The following EVC variants were observed in gnomAD, a reference collection of about 807,000 sequenced individuals.
EVC encodes the protein evC complex member EVC.
EVC carries 116 observed loss-of-function variants against 118.9 expected under a neutral mutation model. The ratio of observed to expected loss-of-function variants is 0.98; its 90% CI spans 0.84 to 1.14. The LOEUF is 1.14. Ranked by LOEUF, EVC falls within the 50% of genes most tolerant of loss-of-function variation. The pLI is 0.00. For synonymous variants in EVC, 619 were observed against 534.7 expected (o/e 1.16, Z -2.18); for missense variants, 1,401 against 1,246.4 (o/e 1.12, Z -1.87).
At chr4:5,762,270 A>T (rs1395468928) in intron 11 of EVC, among the ~76,000 whole-genome samples, 1 of 132,056 alleles carries the variant, frequency 7.6e-6, no homozygotes, top group Non-Finnish European at 1.7e-5. Flanking sequence ...CATGGTGTAT[A>T]TGTGCCACAT....
intron 6 of EVC, 23 bp from the exon 7 acceptor site, chr4:5,745,181 T>A: frequency 6.2e-7 from 1 of 1,606,004 alleles, no homozygotes; most frequent in Non-Finnish European, 8.5e-7. Context: ...TTATTTGCTT[T>A]CTTTTTTCTT....
intron 11 of EVC, among the ~76,000 whole-genome samples, chr4:5,770,469 G>A (rs1733770626): frequency 1.3e-5 from 2 of 152,170 alleles, no homozygotes; most frequent in African/African-American, 2.4e-5. Flanking sequence ...GTGCTGCATG[G>A]CACTGGAAGT....
chr4:5,715,750 T>TTC (rs1723848355), intron 1 of EVC, among the ~76,000 whole-genome samples: 1 of 148,270 alleles, frequency 6.7e-6, no homozygotes, highest in Admixed American at 6.7e-5. Flanking sequence ...CTTTTTTTTT[T>TTC]TTTTTTTTTT....
At chr4:5,827,930 G>C in the EVC span, 5 of 617,094 alleles carry the variant, frequency 8.1e-6, no homozygotes, top group Non-Finnish European at 1.0e-5. Flanking sequence ...CCTTCCCTTT[G>C]ACAGATGTCC....
At chr4:5,824,849 A>G in the EVC span, 1 of 985,368 alleles carries the variant, frequency 1.0e-6, no homozygotes, top group Non-Finnish European at 1.2e-6. Flanking sequence ...GCCTGCCCTC[A>G]TGTGGCCATC....
intron 7 of EVC, among the ~76,000 whole-genome samples, chr4:5,745,836 T>A (rs1729287356): frequency 6.6e-6 from 1 of 152,162 alleles, no homozygotes; most frequent in Non-Finnish European, 1.5e-5. Context: ...CACTGGGGAC[T>A]CAAAAATCAT....
intron 17 of EVC, among the ~76,000 whole-genome samples, 178 bp from the exon 18 acceptor site, chr4:5,808,023 G>C (rs1236130567): frequency 1.3e-5 from 2 of 152,180 alleles, no homozygotes; most frequent in Non-Finnish European, 2.9e-5. Flanking sequence ...CTTTGATGGA[G>C]AGGCAGCCTG....
At chr4:5,826,460 A>AC in the EVC span, 1 of 152,282 alleles carries the variant, frequency 6.6e-6, no homozygotes, top group Non-Finnish European at 1.5e-5. Flanking sequence ...TGGGGAGGAC[A>AC]CCTCCACACC....
In EVC at chr4:5,776,610, G is replaced by A. The variant is rs373905845; in HGVS notation, c.1564-6942G>A. Among the ~76,000 whole-genome samples, 14 of 152,160 alleles carry A rather than the reference G, an allele frequency of 9.2e-5. 1 individual carries two copies. Among genetic ancestry groups the A allele is most frequent in the South Asian group, 4.2e-4 (2 of 4,816 alleles). On this transcript the variant is annotated intron_variant, in intron 11 of 20. Transcript: ENST00000264956. ...CTGCTTCTACCCAGACTTGCCCTCC[G>A]ATCCTTCAGAGACTCCAATTTAACA...
chr4:5,816,778 C>T (rs1024014732), downstream of EVC, among the ~76,000 whole-genome samples: 2 of 151,384 alleles, frequency 1.3e-5, no homozygotes, highest in African/African-American at 2.4e-5. Context: ...TCCTCTGGCT[C>T]TCTCCTCATT....
chr4:5,794,710 C>T (rs548637611), intron 13 of EVC, among the ~76,000 whole-genome samples: 10 of 152,024 alleles, frequency 6.6e-5, no homozygotes, highest in East Asian at 5.8e-4. Flanking sequence ...CATGCCCAGT[C>T]GAGAAAAAAA....
the EVC span, among the ~76,000 whole-genome samples, chr4:5,827,278 A>G: frequency 3.3e-5 from 5 of 152,194 alleles, no homozygotes; most frequent in African/African-American, 1.2e-4. Flanking sequence ...TGTCCCAGCC[A>G]GGGATTTCCA....
chr4:5,751,627 G>A (rs2035304), intron 8 of EVC, among the ~76,000 whole-genome samples: 77,041 of 152,084 alleles, frequency 0.51, 20,748 homozygotes, highest in African/African-American at 0.7. Context: ...TCAAGGGGAC[G>A]TGGGCGACTC....
At position 5,789,693 on chromosome 4, in the gene EVC, C is replaced by G. The variant is rs1712399660; in HGVS notation, c.1777-3915C>G. 1.3e-5 allele frequency among the ~76,000 whole-genome samples: 2 copies of G among 152,182 alleles called. No individual in the cohort carries two copies. Among genetic ancestry groups the G allele is most frequent in the African/African-American group, 4.8e-5 (2 of 41,444 alleles). ...ACTCTAGCCCGAGGAAGCACCTCTT[C>G]TGAATGTAAGCATTTACAAGCCTGC... On this transcript the variant is annotated intron_variant, in intron 12 of 20. Coordinates refer to ENST00000264956, the MANE Select transcript of EVC (RefSeq NM_153717.3). This position sits in a 1 kb window ranked among gnomAD's most constrained non-coding sequence, Gnocchi z 4.3.
chr4:5,722,865 G>A (rs1725186602), intron 2 of EVC, among the ~76,000 whole-genome samples: 1 of 152,196 alleles, frequency 6.6e-6, no homozygotes, highest in Non-Finnish European at 1.5e-5. Flanking sequence ...TATTGCTTCA[G>A]CTGGGGAGAC....
chr4:5,761,652 C>G (rs1304796151), intron 11 of EVC, among the ~76,000 whole-genome samples: 1 of 151,854 alleles, frequency 6.6e-6, no homozygotes, highest in Non-Finnish European at 1.5e-5. Context: ...CTCATCTTGT[C>G]TTTGTTCTGT....
Position 5,805,817 on chromosome 4 carries a change from TCA to T in EVC, c.2561+979_2561+980del, listed in dbSNP as rs1436989707. 5.3e-5 allele frequency among the ~76,000 whole-genome samples: 8 copies of T among 151,700 alleles called. No individual in the cohort carries two copies. The East Asian group carries it at 1.6e-3, about 30-fold the overall frequency. ...GGGGGTGCATGAGCCCATCTGTGAC[TCA>T]CAGCTTATATGTGGCTGTTGATGCC... On this transcript the variant is annotated intron_variant, in intron 17 of 20. Transcript: ENST00000264956.
intron 11 of EVC, among the ~76,000 whole-genome samples, chr4:5,768,157 G>A (rs1044112187): frequency 6.6e-6 from 1 of 152,170 alleles, no homozygotes; most frequent in African/African-American, 2.4e-5. Context: ...CAGAAGAGGA[G>A]GGGATGAGTC....
rs1057509429 is a variant in EVC at position 5,762,939 on chromosome 4, G to GA, written c.1563+6577_1563+6578insA. ...CCATTTGTCAATTTTGTCTTTTGTT[G>GA]CCATTGCTTTTGGTGTTTTAGACAT... On this transcript the variant is annotated intron_variant, in intron 11 of 20. Coordinates refer to ENST00000264956, the MANE Select transcript of EVC (RefSeq NM_153717.3). Among the ~76,000 whole-genome samples the GA allele has an allele frequency of 1.1e-4, 11 of 98,070 alleles. 2 individuals carry two copies. Among genetic ancestry groups the GA allele is most frequent in the Non-Finnish European group, 2.4e-4 (11 of 45,766 alleles). 64.3% of individuals were successfully genotyped at this position (98,070 alleles called of 152,430 possible).
Sources: allele counts gnomAD v4.1 joint callset (sites outside exome capture counted in the v4.1 genomes callset), GRCh38; gene constraint gnomAD v4.1.1; non-coding constraint Gnocchi (gnomAD v3.1); transcripts MANE v1.5; gene names NCBI Gene and HGNC (gene_info 2026-07-23, HGNC 2026-07-21).